The following TCP11 variants were observed in gnomAD, a reference collection of about 807,000 sequenced individuals.
The protein encoded by TCP11 is T-complex protein 11 homolog.
In TCP11, 34 loss-of-function variants were observed where a neutral mutation model predicts 45.0. That is an observed-to-expected ratio of 0.76 (90% CI 0.57 to 1.01). The LOEUF (loss-of-function observed/expected upper bound fraction) is 1.01. Ranked by LOEUF, TCP11 falls within the 50% of genes least tolerant of loss-of-function variation. TCP11 has a pLI of 0.00. For missense variants in TCP11, 523 were observed against 598.1 expected (o/e 0.87, Z 1.31); for synonymous variants, 227 against 227.0 (o/e 1.00, Z 0.00).
Position 35,120,332 on chromosome 6 carries a change from C to T in TCP11, c.942G>A (p.Leu314=). 6.2e-7 allele frequency: 1 copy of T among 1,613,572 alleles called. No homozygotes were observed. The highest frequency in any genetic ancestry group is 2.2e-5 in the East Asian group (1 of 44,862). The change falls in exon 8 of 10, where the codon CTG becomes CTA. Residue 314 remains leucine (L), a synonymous_variant. Coordinates refer to ENST00000311875, the MANE Select transcript of TCP11 (RefSeq NM_001370687.1). This position sits in a 1 kb window ranked among gnomAD's most constrained non-coding sequence, Gnocchi z 4.9. ...LENEEFPETL[L]MDRTRLQELK... is the part of the protein sequence containing the mutation. ...GCTCCTGCAGCCGGGTTCTGTCCAT[C>T]AGCAGGGTCTGGGAACCAGGGAAGA... is the stretch of plus-strand genomic sequence containing the variant.
rs532261756 is a variant in TCP11, at chr6:35,132,779, C to T, written c.236+3328G>A. Among the ~76,000 whole-genome samples, 63 of 152,304 alleles carry T rather than the reference C, an allele frequency of 4.1e-4. No homozygotes were observed. In the South Asian group the frequency reaches 5.8e-3, roughly 14 times the overall value. On this transcript the variant is annotated intron_variant, in intron 3 of 9. Transcript: ENST00000311875. ...TCTCTCGTTTCTTCTACCTGCCATA[C>T]CCCTCTATCCCTCCATACGCCTGCA...
chr6:35,122,424 C>CA, intron 4 of TCP11, 87 bp from the exon 5 acceptor site: 1 of 1,206,478 alleles, frequency 8.3e-7, no homozygotes, highest in Non-Finnish European at 1.2e-6. Flanking sequence ...AAAGACATAC[C>CA]AGCCTATGTT....
At chr6:35,119,677 G>T (rs369106812) in intron 8 of TCP11, among the ~76,000 whole-genome samples, 4 of 152,186 alleles carry the variant, frequency 2.6e-5, no homozygotes, top group African/African-American at 9.7e-5. Flanking sequence ...ATTTAGTTGT[G>T]CTCTTGGATC....
chr6:35,125,893 TAAAC>T (rs1779770204), intron 4 of TCP11, among the ~76,000 whole-genome samples: 1 of 152,216 alleles, frequency 6.6e-6, no homozygotes, highest in Admixed American at 6.5e-5. Flanking sequence ...TACACTAAGT[TAAAC>T]AAGTCCAAAA....
intron 4 of TCP11, among the ~76,000 whole-genome samples, chr6:35,122,974 G>A (rs573679748): frequency 4.5e-4 from 68 of 152,264 alleles, no homozygotes; most frequent in African/African-American, 1.5e-3. Flanking sequence ...GCCAAACTCT[G>A]CCAGTTACCA....
chr6:35,125,074 A>G lies in TCP11; in HGVS notation c.358-2737T>C, dbSNP rs115346170. Among the ~76,000 whole-genome samples, 865 of 151,238 alleles carry G rather than the reference A, an allele frequency of 5.7e-3. 9 individuals are homozygous for G. Among genetic ancestry groups the G allele is most frequent in the African/African-American group, 0.018 (730 of 41,274 alleles). Reference sequence around the variant, plus strand: ...AGTGCACACTTGTAATCCAGCTACTACTTGGGAGGCTGAGGTGGGAGAATA... The same window carrying G: ...AGTGCACACTTGTAATCCAGCTACTGCTTGGGAGGCTGAGGTGGGAGAATA... On this transcript the variant is annotated intron_variant, in intron 4 of 9. Coordinates refer to ENST00000311875, the MANE Select transcript of TCP11 (RefSeq NM_001370687.1).
chr6:35,129,604 C>G (rs995029216), intron 3 of TCP11, among the ~76,000 whole-genome samples: 3 of 152,156 alleles, frequency 2.0e-5, no homozygotes, highest in Non-Finnish European at 2.9e-5. Context: ...TACCAAAGGT[C>G]CACAGATATT....
At position 35,135,735 on chromosome 6, in the gene TCP11, A is replaced by G. The variant is rs1581848589; in HGVS notation, c.236+372T>C. Among the ~76,000 whole-genome samples, 5 of 152,322 alleles carry G rather than the reference A, an allele frequency of 3.3e-5. 1 individual carries two copies. In the East Asian group the frequency reaches 9.6e-4, roughly 29 times the overall value. On this transcript the variant is annotated intron_variant, in intron 3 of 9. Transcript: ENST00000311875. ...TAACAGAGTGAGACCCTGCCTCCAA[A>G]AAAATAAAAACAACCAAAACGGAAA... is the stretch of plus-strand genomic sequence containing the variant.
Position 35,120,845 on chromosome 6 carries a change from A to C in TCP11, c.715+64T>G. The C allele has an allele frequency of 1.9e-6, 3 of 1,545,178 alleles. No individual in the cohort carries two copies. The highest frequency in any genetic ancestry group is 2.0e-5 in the Admixed American group (1 of 51,182). On this transcript the variant is annotated intron_variant, in intron 6 of 9. Transcript: ENST00000311875. The surrounding 1 kb of genome is among the most constrained non-coding windows in gnomAD (Gnocchi z 4.9). Reference sequence around the variant, plus strand: ...CTAAAAAGAGATAGAGTACTCTCTAACATTATAAAAGTCAGACCCAAGGTA... The same window carrying C: ...CTAAAAAGAGATAGAGTACTCTCTACCATTATAAAAGTCAGACCCAAGGTA...
Position 35,122,323 on chromosome 6 carries a change from C to A in TCP11, c.372G>T (p.Leu124=). Residue 124 remains leucine, a synonymous_variant, in exon 5 of 10, where the codon CTG becomes CTT. Transcript: ENST00000311875. ...TCAGGCGGTTCTGGCGTGGTAATAG[C>A]AGTGATAGCAAGATCTGCCCAGGAA... ...LKEIKEILLS[L]LLPRQNRLRI... is the part of the protein sequence containing the mutation. 6.2e-7 allele frequency: 1 copy of A among 1,614,068 alleles called. No individual in the cohort carries two copies. Among genetic ancestry groups the A allele is most frequent in the Non-Finnish European group, 8.5e-7 (1 of 1,180,020 alleles).
chr6:35,131,325 T>TG (rs936720336), intron 3 of TCP11, among the ~76,000 whole-genome samples: 2 of 151,390 alleles, frequency 1.3e-5, no homozygotes, highest in Non-Finnish European at 2.9e-5. Flanking sequence ...CCCAGCACTT[T>TG]GGGGGGCCGA....
intron 4 of TCP11, among the ~76,000 whole-genome samples, chr6:35,124,459 C>T (rs1384443922): frequency 6.6e-6 from 1 of 152,168 alleles, no homozygotes; most frequent in African/African-American, 2.4e-5. Context: ...GAAACAACTT[C>T]TTGGGCCTTG....
At chr6:35,137,675 T>C (rs900012797) in intron 2 of TCP11, 19 of 403,824 alleles carry the variant, frequency 4.7e-5, no homozygotes, top group African/African-American at 3.9e-4. Flanking sequence ...ACATAATAGG[T>C]ATATATGGTA....
In TCP11 at chr6:35,120,592, A is replaced by G. The variant is rs1779127743; in HGVS notation, c.770T>C (p.Met257Thr). The G allele has an allele frequency of 1.2e-6, 2 of 1,613,714 alleles. No homozygotes were observed. The highest frequency in any genetic ancestry group is 1.7e-5 in the Admixed American group (1 of 60,000). The change falls in exon 7 of 10, where the codon ATG (methionine) becomes ACG (threonine). Residue 257 changes from methionine (M) to threonine (T), a missense_variant. Around this residue, in one of 2 missense-constraint regions of TCP11, gnomAD observed 298 missense variants for 387.9 expected, o/e 0.77. Coordinates refer to ENST00000311875, the MANE Select transcript of TCP11 (RefSeq NM_001370687.1). This position sits in a 1 kb window ranked among gnomAD's most constrained non-coding sequence, Gnocchi z 4.9. ...AGTGTCTGGGCAAGTCGGAGGTGAC[A>G]TGGTGAGGTCTCCTGCTGCTTGGGT... is the stretch of plus-strand genomic sequence containing the variant. ...WLTQAAGDLT[M>T]SPPTCPDTSD...
At chr6:35,139,526 G>A (rs939659578) in intron 2 of TCP11, among the ~76,000 whole-genome samples, 3 of 152,114 alleles carry the variant, frequency 2.0e-5, no homozygotes, top group African/African-American at 4.8e-5. Flanking sequence ...CAGCCAAAAT[G>A]GCAAAACACA....
intron 5 of TCP11, among the ~76,000 whole-genome samples, chr6:35,121,336 T>C (rs568379338): frequency 1.3e-5 from 2 of 151,680 alleles, no homozygotes; most frequent in East Asian, 3.9e-4. Context: ...TACACCAGCA[T>C]GCTAACAATT....
chr6:35,121,923 A>C (rs1779306957), intron 5 of TCP11, among the ~76,000 whole-genome samples, 194 bp downstream of exon 5: 2 of 152,192 alleles, frequency 1.3e-5, no homozygotes, highest in African/African-American at 4.8e-5. Context: ...AATCAAGCTA[A>C]GGATAACCAA....
intron 2 of TCP11, among the ~76,000 whole-genome samples, chr6:35,138,498 T>C (rs1272531127): frequency 3.9e-5 from 6 of 152,102 alleles, no homozygotes; most frequent in African/African-American, 9.7e-5. Context: ...ACTTCACATG[T>C]TCTCACTTAT....
At chr6:35,121,349 C>T (rs1779213511) in intron 5 of TCP11, among the ~76,000 whole-genome samples, 1 of 151,330 alleles carries the variant, frequency 6.6e-6, no homozygotes, top group South Asian at 2.1e-4. Flanking sequence ...TAACAATTCT[C>T]TTCAGGAAGT....
Sources: gnomAD v4.1 joint callset for allele counts (sites outside exome capture counted in the v4.1 genomes callset) on GRCh38, gnomAD v4.1.1 for gene constraint, gnomAD v4.1.1 regional missense constraint, Gnocchi (gnomAD v3.1) non-coding constraint, MANE v1.5 for transcripts, NCBI Gene and HGNC (gene_info 2026-07-23, HGNC 2026-07-21) for gene names.